Variants in DNAL1 observed in about 807,000 individuals in gnomAD.
DNAL1 encodes the protein chromosome 14 open reading frame 168.
DNAL1 carries 17 observed loss-of-function variants against 29.4 expected under a neutral mutation model. The ratio of observed to expected loss-of-function variants is 0.58; its 90% CI spans 0.40 to 0.87. The LOEUF (loss-of-function observed/expected upper bound fraction) is 0.87, where lower values mean the gene tolerates loss of function less well. Among genes scored for constraint, DNAL1 ranks in the 40% least tolerant of loss-of-function variants. DNAL1 has a pLI of 0.00. For synonymous variants in DNAL1, 78 were observed against 76.3 expected (o/e 1.02, Z -0.12); for missense variants, 188 against 214.1 (o/e 0.88, Z 0.76).
intron 5 of DNAL1, among the ~76,000 whole-genome samples, chr14:73,684,700 C>CT (rs1891970824): frequency 6.6e-6 from 1 of 152,020 alleles, no homozygotes; most frequent in Non-Finnish European, 1.5e-5. Context: ...TTGAGACCAG[C>CT]CTAGACAACA....
At chr14:73,677,005 C>G (rs1891750386) in intron 5 of DNAL1, among the ~76,000 whole-genome samples, 1 of 139,968 alleles carries the variant, frequency 7.1e-6, no homozygotes, top group Admixed American at 7.7e-5. Flanking sequence ...CAGTCTTGCT[C>G]TGTCGCCCAG....
intron 1 of DNAL1, 23 bp from the exon 2 acceptor site, chr14:73,654,824 C>CT (rs1204831207): frequency 2.0e-6 from 3 of 1,492,504 alleles, no homozygotes; most frequent in Admixed American, 2.5e-5. Flanking sequence ...TTTTTCTTTT[C>CT]TTTCTTTTTT....
At chr14:73,690,576 C>T (rs535430981) in intron 7 of DNAL1, among the ~76,000 whole-genome samples, 11 of 151,494 alleles carry the variant, frequency 7.3e-5, no homozygotes, top group African/African-American at 1.9e-4. Flanking sequence ...CGCTTGAATC[C>T]GGGAGGCGGA....
At position 73,668,273 on chromosome 14, in the gene DNAL1, G is replaced by C. The variant is rs140943084; in HGVS notation, c.209-3269G>C. ...CCAAATGTTAGCTCCTTGATAGCAG[G>C]AATTTTTGTCTGTATTATTTGCTGT... On this transcript the variant is annotated intron_variant, in intron 4 of 7. Transcript: ENST00000553645. Among the ~76,000 whole-genome samples the C allele has an allele frequency of 8.6e-3, 1,315 of 152,210 alleles. 7 individuals carry two copies. Among genetic ancestry groups the C allele is most frequent in the Middle Eastern group, 0.017 (5 of 292 alleles).
intron 1 of DNAL1, among the ~76,000 whole-genome samples, chr14:73,646,676 C>T (rs1281374450): frequency 1.3e-5 from 2 of 152,136 alleles, no homozygotes; most frequent in South Asian, 2.1e-4. Flanking sequence ...GCATGAGAAT[C>T]TCTTGAACCT....
At chr14:73,657,607 A>AT (rs1891247973) in intron 2 of DNAL1, among the ~76,000 whole-genome samples, 1 of 152,032 alleles carries the variant, frequency 6.6e-6, no homozygotes, top group Non-Finnish European at 1.5e-5. Context: ...TTATTTTTAC[A>AT]TTTTGAGATG....
intron 1 of DNAL1, among the ~76,000 whole-genome samples, chr14:73,646,795 A>C (rs1203498134): frequency 1.3e-5 from 2 of 152,122 alleles, no homozygotes; most frequent in Non-Finnish European, 2.9e-5. Flanking sequence ...GAAAAGTTAC[A>C]GTATTACAAT....
Position 73,645,022 on chromosome 14 carries a change from A to T in DNAL1, c.-18A>T. On this transcript the variant is annotated 5_prime_UTR_variant, in exon 1 of 8. Coordinates refer to ENST00000553645, the MANE Select transcript of DNAL1 (RefSeq NM_031427.4). ...GCGGGCCCTAGCAACCAGAGCAGTG[A>T]CAGTAGCAACCGCCGGAATGGTGAG... is the stretch of plus-strand genomic sequence containing the variant. 1 of 1,609,448 alleles carries T rather than the reference A, an allele frequency of 6.2e-7. No homozygotes were observed. The highest frequency in any genetic ancestry group is 1.1e-5 in the South Asian group (1 of 89,778).
chr14:73,669,986 C>A (rs947867038), intron 4 of DNAL1, among the ~76,000 whole-genome samples: 1 of 91,806 alleles, frequency 1.1e-5, no homozygotes, highest in Non-Finnish European at 3.3e-5. Context: ...CACACACATA[C>A]ACACACACAC....
At chr14:73,683,310 G>A (rs1180648059) in intron 5 of DNAL1, among the ~76,000 whole-genome samples, 8 of 152,106 alleles carry the variant, frequency 5.3e-5, no homozygotes, top group Admixed American at 5.2e-4. Flanking sequence ...TGTGTTATGC[G>A]TGTGTATGGC....
At chr14:73,682,589 TTC>T (rs1205870996) in intron 5 of DNAL1, among the ~76,000 whole-genome samples, 2 of 150,778 alleles carry the variant, frequency 1.3e-5, no homozygotes, top group Admixed American at 6.6e-5. Flanking sequence ...TAAAAATATT[TTC>T]TTTCTTTATT....
intron 5 of DNAL1, among the ~76,000 whole-genome samples, chr14:73,682,869 ATT>A (rs57815202): frequency 0.34 from 34,907 of 101,510 alleles, 4,548 homozygotes; most frequent in East Asian, 0.54. Context: ...TTTTATAGTT[ATT>A]TTTTTTTTTT....
chr14:73,655,341 CTTTTCTTTTTT>C (rs1238494719), intron 2 of DNAL1, among the ~76,000 whole-genome samples: 2 of 148,556 alleles, frequency 1.3e-5, no homozygotes, highest in Admixed American at 6.7e-5. Context: ...TTTTCTTTTT[CTTTTCTTTTTT>C]TTTTTTTTTG....
At chr14:73,663,262 G>A (rs1307411310) in intron 4 of DNAL1, among the ~76,000 whole-genome samples, 2 of 138,506 alleles carry the variant, frequency 1.4e-5, no homozygotes, top group Admixed American at 7.7e-5. Context: ...CTGGATTTCA[G>A]TGGTGCAATC....
intron 4 of DNAL1, among the ~76,000 whole-genome samples, chr14:73,670,498 G>GT (rs1360296574): frequency 6.6e-6 from 1 of 152,038 alleles, no homozygotes; most frequent in Non-Finnish European, 1.5e-5. Context: ...TTTCCTGGGT[G>GT]TTTCAAAAAG....
At position 73,675,279 on chromosome 14, in the gene DNAL1, G is replaced by A. The variant is rs560128191; in HGVS notation, c.264+3682G>A. Among the ~76,000 whole-genome samples, 167 of 151,226 alleles carry A rather than the reference G, an allele frequency of 1.1e-3. 7 individuals carry two copies. In the South Asian group the frequency reaches 0.032, roughly 29 times the overall value. On this transcript the variant is annotated intron_variant, in intron 5 of 7. Transcript: ENST00000553645. ...TTGATTTTTGTTTGCTTAGAGACAG[G>A]TTCTCACTCTCTCACCCAGGCTGGA...
At chr14:73,677,297 C>G (rs991423213) in intron 5 of DNAL1, among the ~76,000 whole-genome samples, 4 of 151,588 alleles carry the variant, frequency 2.6e-5, no homozygotes, top group Non-Finnish European at 5.9e-5. Context: ...TAACATTTGC[C>G]AGTATGATAG....
At position 73,697,838 on chromosome 14, in the gene DNAL1, A is replaced by C. The variant is rs1892338697; in HGVS notation, c.*1896A>C. The C allele has an allele frequency of 1.3e-5, 2 of 150,502 alleles. No individual in the cohort carries two copies. The highest frequency in any genetic ancestry group is 4.9e-5 in the African/African-American group (2 of 40,836). 9.3% of individuals were successfully genotyped at this position (150,502 alleles called of 1,614,324 possible). ...TTTCAATCTGATAGGAAGAAACCTT[A>C]TTCTACTCTAGCTGGTTTATGCATT... On this transcript the variant is annotated 3_prime_UTR_variant, in exon 8 of 8. Coordinates refer to ENST00000553645, the MANE Select transcript of DNAL1 (RefSeq NM_031427.4).
intron 5 of DNAL1, among the ~76,000 whole-genome samples, chr14:73,682,633 T>C (rs11849519): frequency 0.039 from 5,943 of 151,954 alleles, 348 homozygotes; most frequent in African/African-American, 0.13. Context: ...ATAAGCTTTT[T>C]TCTATCTTTA....
Sources: allele counts gnomAD v4.1 joint callset (sites outside exome capture counted in the v4.1 genomes callset), GRCh38; gene constraint gnomAD v4.1.1; transcripts MANE v1.5; gene names NCBI Gene and HGNC (gene_info 2026-07-23, HGNC 2026-07-21).